Variants in ESPL1 observed in about 807,000 individuals in gnomAD.
ESPL1 encodes extra spindle pole bodies like 1, separase, also known as separin.
In ESPL1, 50 loss-of-function variants were observed where a neutral mutation model predicts 217.2. That is an observed-to-expected ratio of 0.23 (90% CI 0.18 to 0.29). ESPL1 has a LOEUF of 0.29. Ranked by LOEUF, ESPL1 falls within the 10% of genes least tolerant of loss-of-function variation. The pLI is 1.00. For missense variants in ESPL1, 1,834 were observed against 2,603.0 expected (o/e 0.70, Z 6.43); for synonymous variants, 994 against 1,081.3 (o/e 0.92, Z 1.58).
rs142300200 is a variant in ESPL1 at position 53,269,720 on chromosome 12, C to T, written c.778C>T (p.Arg260Cys). Reference sequence around the variant, plus strand: ...CTTGGAGCTCACCTTGGAACACTGCCGTCGCTTTTGCTGGAGCCGCCACCA... The same window carrying T: ...CTTGGAGCTCACCTTGGAACACTGCTGTCGCTTTTGCTGGAGCCGCCACCA... Reference protein sequence around the residue: ...CLLELTLEHCRRFCWSRHHDK... With the variant: ...CLLELTLEHCCRFCWSRHHDK... Residue 260 changes from arginine (R) to cysteine (C), a missense_variant, in exon 3 of 31, where the codon CGT becomes TGT. Arg to Cys is a radical substitution (Grantham distance 180). This residue lies in a region of ESPL1 where 746 missense variants were observed against 1,077.0 expected (regional missense o/e 0.69). Transcript: ENST00000257934. The surrounding 1 kb of genome is among the most constrained non-coding windows in gnomAD (Gnocchi z 6.7). The T allele has an allele frequency of 1.2e-6, 2 of 1,614,182 alleles. No homozygotes were observed. The highest frequency in any genetic ancestry group is 1.7e-6 in the Non-Finnish European group (2 of 1,180,036).
intron 6 of ESPL1, 58 bp downstream of exon 6, chr12:53,272,915 C>CG: frequency 6.3e-7 from 1 of 1,584,150 alleles, no homozygotes; most frequent in South Asian, 1.1e-5. Context: ...GCGGGGGGAG[C>CG]GGGGAAGGGC....
intron 25 of ESPL1, among the ~76,000 whole-genome samples, chr12:53,291,380 CA>C (rs1243627644): frequency 6.6e-6 from 1 of 151,756 alleles, no homozygotes; most frequent in African/African-American, 2.4e-5. Flanking sequence ...GTCACAAGGT[CA>C]AGAGGTGAAG....
At position 53,286,592 on chromosome 12, in the gene ESPL1, C is replaced by G; in HGVS notation, c.3856C>G (p.Gln1286Glu). Reference sequence around the variant, plus strand: ...AGGTGGCCTCAGCTGCTGTACTACCCAACTTTTTGCAAGCTCCTGGGGCTG... The same window carrying G: ...AGGTGGCCTCAGCTGCTGTACTACCGAACTTTTTGCAAGCTCCTGGGGCTG... ...KLGGLSCCTT[Q>E]LFASSWGWQP... The change falls in exon 18 of 31, where the codon CAA becomes GAA. Residue 1286 changes from glutamine to glutamate, a missense_variant. Gln to Glu is a conservative substitution (Grantham distance 29). This residue lies in a region of ESPL1 where 681 missense variants were observed against 808.0 expected (regional missense o/e 0.84). Transcript: ENST00000257934. The surrounding 1 kb of genome is among the most constrained non-coding windows in gnomAD (Gnocchi z 5.3). The G allele has an allele frequency of 6.2e-7, 1 of 1,614,188 alleles. No individual in the cohort carries two copies. Among genetic ancestry groups the G allele is most frequent in the Non-Finnish European group, 8.5e-7 (1 of 1,180,042 alleles).
chr12:53,281,611 C>T lies in ESPL1; in HGVS notation c.2604C>T (p.Tyr868=), dbSNP rs962274077. Residue 868 remains tyrosine, a synonymous_variant, in exon 13 of 31, where the codon TAC becomes TAT. Coordinates refer to ENST00000257934, the MANE Select transcript of ESPL1 (RefSeq NM_012291.5). ...GTGATCTGCTTCGAAGTCAACTCTA[C>T]TGGACTCACCAGAAGGTATTTCTCA... The part of the protein sequence containing the change: ...LTCDLLRSQL[Y]WTHQKVTKGV... 1 of 1,613,634 alleles carries T rather than the reference C, an allele frequency of 6.2e-7. No homozygotes were observed. The highest frequency in any genetic ancestry group is 8.5e-7 in the Non-Finnish European group (1 of 1,179,632).
At chr12:53,268,938 C>A in intron 2 of ESPL1, 86 bp from the exon 3 acceptor site, 2 of 1,486,904 alleles carry the variant, frequency 1.3e-6, no homozygotes, top group African/African-American at 1.4e-5. Context: ...AGTAGGCGAC[C>A]CTCTCTGAGT....
chr12:53,290,564 C>A, intron 24 of ESPL1, 95 bp downstream of exon 24: 2 of 1,354,528 alleles, frequency 1.5e-6, no homozygotes, highest in Non-Finnish European at 1.0e-6. Context: ...AGTGCTAAAG[C>A]CACTTCAAAT....
chr12:53,269,353 C>T lies in ESPL1; in HGVS notation c.411C>T (p.Pro137=). ...TGCAGTGCTCTCGCGAGGCTGCTCC[C>T]CAGGACTATGAGGCCGTGGCTCGGG... ...CLVQCSREAA[P]QDYEAVARGS... is the part of the protein sequence containing the mutation. Residue 137 remains proline, a synonymous_variant, in exon 3 of 31, where the codon CCC becomes CCT. Coordinates refer to ENST00000257934, the MANE Select transcript of ESPL1 (RefSeq NM_012291.5). The surrounding 1 kb of genome is among the most constrained non-coding windows in gnomAD (Gnocchi z 6.7). The T allele has an allele frequency of 1.2e-6, 2 of 1,614,102 alleles. No individual in the cohort carries two copies. The highest frequency in any genetic ancestry group is 2.2e-5 in the East Asian group (1 of 44,876).
intron 5 of ESPL1, among the ~76,000 whole-genome samples, chr12:53,271,742 T>A (rs1943678565): frequency 6.6e-6 from 1 of 152,144 alleles, no homozygotes; most frequent in South Asian, 2.1e-4. Context: ...TTTCTCCCAG[T>A]CATCTATGTT....
At position 53,288,027 on chromosome 12, in the gene ESPL1, T is replaced by A; in HGVS notation, c.4232T>A (p.Leu1411Gln). The A allele has an allele frequency of 2.5e-6, 4 of 1,613,356 alleles. No individual in the cohort carries two copies. The South Asian group carries it at 4.4e-5, about 18-fold the overall frequency. The change falls in exon 19 of 31, where the codon CTG (leucine) becomes CAG (glutamine). Residue 1411 changes from leucine (L) to glutamine (Q), a missense_variant. Coordinates refer to ENST00000257934, the MANE Select transcript of ESPL1 (RefSeq NM_012291.5). Reference sequence around the variant, plus strand: ...GACCCTGTCTCAGCTGAGGCCTGGCTGGCAGAGGAGCCTAAGAGACGGGGC... The same window carrying A: ...GACCCTGTCTCAGCTGAGGCCTGGCAGGCAGAGGAGCCTAAGAGACGGGGC... ...LEDPVSAEAWLAEEPKRRGTA... is the reference protein window; with the variant it reads ...LEDPVSAEAWQAEEPKRRGTA...
chr12:53,269,305 T>C lies in ESPL1; in HGVS notation c.363T>C (p.Ala121=). The change falls in exon 3 of 31, where the codon GCT becomes GCC. Residue 121 remains alanine, a synonymous_variant. Transcript: ENST00000257934. The surrounding 1 kb of genome is among the most constrained non-coding windows in gnomAD (Gnocchi z 6.7). ...GCCCAGAGGCCACACTCCGCCTTGC[T>C]CAGCCCCTCCATGCCTGCTTGGTGC... The part of the protein sequence containing the change: ...QGSPEATLRL[A]QPLHACLVQC... 6.2e-7 allele frequency: 1 copy of C among 1,614,192 alleles called. No homozygotes were observed. The highest frequency in any genetic ancestry group is 8.5e-7 in the Non-Finnish European group (1 of 1,180,042).
intron 7 of ESPL1, among the ~76,000 whole-genome samples, chr12:53,276,386 G>A (rs901365373): frequency 2.0e-5 from 3 of 152,198 alleles, no homozygotes; most frequent in South Asian, 4.1e-4. Context: ...AGTGGGAAGC[G>A]GCCAGATCAC....
rs1230887718 is a variant in ESPL1, at chr12:53,288,658, T to C, written c.4667T>C (p.Leu1556Pro). The C allele has an allele frequency of 6.2e-7, 1 of 1,613,778 alleles. No individual in the cohort carries two copies. Among genetic ancestry groups the C allele is most frequent in the African/African-American group, 1.3e-5 (1 of 75,036 alleles). The change falls in exon 20 of 31, where the codon CTT becomes CCT. Residue 1556 changes from leucine to proline, a missense_variant. Transcript: ENST00000257934. The part of the protein sequence containing the change: ...PCPDKESDKD[L>P]GPRLRLPSAP... ...CCAGACAAGGAGAGTGACAAGGACC[T>C]TGGTCCTCGGCTCCGGCTCCCCTCA...
Position 53,290,482 on chromosome 12 carries a change from G to C in ESPL1, c.5364+13G>C. On this transcript the variant is annotated intron_variant, in intron 24 of 30. Transcript: ENST00000257934. ...CCACAGGATGGAGGTGTGTGCTTCT[G>C]GGGTGGGGTCAGGCCTGCTCTAGGA... is the stretch of plus-strand genomic sequence containing the variant. The C allele has an allele frequency of 6.2e-7, 1 of 1,611,388 alleles. No homozygotes were observed. Among genetic ancestry groups the C allele is most frequent in the Non-Finnish European group, 8.5e-7 (1 of 1,178,996 alleles).
chr12:53,269,071 T>C lies in ESPL1; in HGVS notation c.129T>C (p.Asp43=). ...PPAGFPSSRS[D]AERRQACDAI... is the part of the protein sequence containing the mutation. ...CTGGTTTTCCCAGCAGCCGATCTGA[T>C]GCTGAGAGGAGACAAGCTTGTGATG... The change falls in exon 3 of 31, where the codon GAT becomes GAC. Residue 43 remains aspartate, a synonymous_variant. Coordinates refer to ENST00000257934, the MANE Select transcript of ESPL1 (RefSeq NM_012291.5). This position sits in a 1 kb window ranked among gnomAD's most constrained non-coding sequence, Gnocchi z 6.7. The C allele has an allele frequency of 6.2e-7, 1 of 1,613,898 alleles. No homozygotes were observed. The highest frequency in any genetic ancestry group is 8.5e-7 in the Non-Finnish European group (1 of 1,179,874).
At position 53,289,153 on chromosome 12, in the gene ESPL1, G is replaced by C; in HGVS notation, c.4772G>C (p.Cys1591Ser). The C allele has an allele frequency of 6.2e-7, 1 of 1,614,210 alleles. No homozygotes were observed. The highest frequency in any genetic ancestry group is 8.5e-7 in the Non-Finnish European group (1 of 1,180,028). ...GTTGCTTTCCGGGGCATTAGTCACT[G>C]TCCTCCTAGTGGGCTCTATGCCCAC... ...LSVAFRGISH[C>S]PPSGLYAHLC... Residue 1591 changes from cysteine (C) to serine (S), a missense_variant, in exon 21 of 31, where the codon TGT becomes TCT. By Grantham distance (112) the Cys-to-Ser change is moderately radical (BLOSUM62 -1). Transcript: ENST00000257934.
At position 53,282,258 on chromosome 12, in the gene ESPL1, C is replaced by T. The variant is rs1204390291; in HGVS notation, c.2620-6C>T. 2 of 1,613,714 alleles carry T rather than the reference C, an allele frequency of 1.2e-6. No individual in the cohort carries two copies. The highest frequency in any genetic ancestry group is 1.7e-6 in the Non-Finnish European group (2 of 1,179,730). On this transcript the variant is annotated splice_region_variant and splice_polypyrimidine_tract_variant and intron_variant, in intron 13 of 30. Coordinates refer to ENST00000257934, the MANE Select transcript of ESPL1 (RefSeq NM_012291.5). This position sits in a 1 kb window ranked among gnomAD's most constrained non-coding sequence, Gnocchi z 4.0. ...ACTGCCTCCTCTGGCTCCTTCTCTC[C>T]TTCAGGTGACCAAGGGTGTCTCTCT... is the stretch of plus-strand genomic sequence containing the variant.
intron 11 of ESPL1, 110 bp from the exon 12 acceptor site, chr12:53,279,622 C>A: frequency 7.6e-7 from 1 of 1,322,526 alleles, no homozygotes; most frequent in Non-Finnish European, 1.1e-6. Context: ...ACATTCCACC[C>A]AGGCCCTGAG....
Position 53,292,816 on chromosome 12 carries a change from C to T in ESPL1, c.6007C>T (p.His2003Tyr). ...CTCCTTCTGCCTTAGCTATGCAGGG[C>T]ATGGGGCTGGTGCCCGCTTCCTTGA... ...TKHDLYIYAG[H>Y]GAGARFLDGQ... Residue 2003 changes from histidine (H) to tyrosine (Y), a missense_variant, in exon 30 of 31, where the codon CAT becomes TAT. His to Tyr is a moderately conservative substitution (Grantham distance 83). This residue lies in a region of ESPL1 where 295 missense variants were observed against 519.8 expected (regional missense o/e 0.57). Transcript: ENST00000257934. This position sits in a 1 kb window ranked among gnomAD's most constrained non-coding sequence, Gnocchi z 4.5. The T allele has an allele frequency of 6.2e-7, 1 of 1,609,298 alleles. No homozygotes were observed. Among genetic ancestry groups the T allele is most frequent in the Non-Finnish European group, 8.5e-7 (1 of 1,179,952 alleles).
At chr12:53,271,914 CG>C (rs1339505039) in intron 5 of ESPL1, among the ~76,000 whole-genome samples, 1 of 152,076 alleles carries the variant, frequency 6.6e-6, no homozygotes, top group Non-Finnish European at 1.5e-5. Context: ...AGTGAAACCC[CG>C]TCTCTACTAA....
Sources: gnomAD v4.1 joint callset for allele counts (sites outside exome capture counted in the v4.1 genomes callset) on GRCh38, gnomAD v4.1.1 for gene constraint, gnomAD v4.1.1 regional missense constraint, Gnocchi (gnomAD v3.1) non-coding constraint, MANE v1.5 for transcripts, NCBI Gene and HGNC (gene_info 2026-07-23, HGNC 2026-07-21) for gene names.